The following CIART variants were observed in gnomAD, a reference collection of about 807,000 sequenced individuals.
The protein encoded by CIART is circadian associated repressor of transcription.
In CIART, 7 loss-of-function variants were observed where a neutral mutation model predicts 22.1. That is an observed-to-expected ratio of 0.32 (90% confidence interval 0.18 to 0.59). The LOEUF is 0.59. Among genes scored for constraint, CIART ranks in the 20% least tolerant of loss-of-function variants. CIART has a pLI of 0.86. For synonymous variants in CIART, 163 were observed against 174.6 expected, an observed-to-expected ratio of 0.93 and a Z score of 0.53; for missense variants, 440 against 478.0, an observed-to-expected ratio of 0.92 and a Z score of 0.74.
At position 150,284,039 on chromosome 1, in the gene CIART, C is replaced by T. The variant is rs910658333; in HGVS notation, c.442+159C>T. ...TATTATTATTATTATTATTTTGAGA[C>T]GGAGTTTTGCTCTTGTTGCCCAGGC... On this transcript the variant is annotated intron_variant, in intron 2 of 4. Transcript: ENST00000290363. Among the ~76,000 whole-genome samples the T allele has an allele frequency of 9.7e-4, 117 of 121,048 alleles. 1 individual carries two copies. Among genetic ancestry groups the T allele is most frequent in the Admixed American group, 1.7e-3 (23 of 13,174 alleles). 79.4% of individuals were successfully genotyped at this position (121,048 alleles called of 152,430 possible). A position where few individuals can be genotyped will look rare whatever the true frequency, so the allele number is the denominator to read the frequency against.
At chr1:150,284,338 C>T in intron 2 of CIART, 88 bp from the exon 3 acceptor site, 2 of 1,278,796 alleles carry the variant, frequency 1.6e-6, no homozygotes, top group Non-Finnish European at 2.3e-6. Flanking sequence ...TTTTTTAGAT[C>T]AATCAATTTT....
At position 150,283,594 on chromosome 1, in the gene CIART, A is replaced by G. The variant is rs2298164; in HGVS notation, c.327A>G (p.Gln109=). 4.3e-6 allele frequency: 7 copies of G among 1,613,962 alleles called. No individual in the cohort carries two copies. The East Asian group carries it at 8.9e-5, about 21-fold the overall frequency. ...DGELETSLNT[Q]GCTTEGDLLF... ...AACTGGAGACCAGTCTAAACACCCAAGGTTGTACCACAGAGGGAGACCTGC... is the reference window on the plus strand; with the variant it reads ...AACTGGAGACCAGTCTAAACACCCAGGGTTGTACCACAGAGGGAGACCTGC... The change falls in exon 1 of 5, where the codon CAA becomes CAG. Residue 109 remains glutamine (Q), a synonymous_variant. Coordinates refer to ENST00000290363, the MANE Select transcript of CIART (RefSeq NM_144697.4).
chr1:150,286,895 C>T lies in CIART; in HGVS notation c.1099C>T (p.Arg367Trp), dbSNP rs782106255. ...TLARKMTIGH[R>W]EQQRSHPPVA... ...GGCCAGAAAGATGACCATAGGACAC[C>T]GGGAGCAGCAGAGAAGCCATCCTCC... is the stretch of plus-strand genomic sequence containing the variant. Residue 367 changes from arginine (R) to tryptophan (W), a missense_variant, in exon 5 of 5, where the codon CGG becomes TGG. Physicochemically the swap from Arg to Trp is moderately radical, Grantham distance 101 (BLOSUM62 -3). Coordinates refer to ENST00000290363, the MANE Select transcript of CIART (RefSeq NM_144697.4). The T allele has an allele frequency of 6.8e-6, 11 of 1,607,142 alleles. No homozygotes were observed. The highest frequency in any genetic ancestry group is 1.7e-5 in the Admixed American group (1 of 59,384).
intron 1 of CIART, 80 bp from the exon 2 acceptor site, chr1:150,283,725 G>C: frequency 1.9e-6 from 3 of 1,560,282 alleles, no homozygotes; most frequent in Non-Finnish European, 2.7e-6. Context: ...TTGACTCCCA[G>C]ATTTGGAGGT....
chr1:150,286,072 T>C (rs1014532630), intron 4 of CIART, among the ~76,000 whole-genome samples: 3 of 149,758 alleles, frequency 2.0e-5, no homozygotes, highest in African/African-American at 7.5e-5. Context: ...AAATACAGAA[T>C]TTGGGAAATG....
chr1:150,285,135 A>G (rs1236566853), intron 4 of CIART: 1 of 195,004 alleles, frequency 5.1e-6, no homozygotes, highest in Non-Finnish European at 1.0e-5. Flanking sequence ...ACAGTTTTTG[A>G]GTCTACACTG....
At chr1:150,285,260 G>A (rs587629033) in intron 4 of CIART, 6 of 155,794 alleles carry the variant, frequency 3.9e-5, no homozygotes, top group African/African-American at 7.2e-5. Context: ...ATTTTCAGCC[G>A]GGAGCGGTGG....
At chr1:150,285,328 G>C (rs1205502699) in intron 4 of CIART, 3 of 153,130 alleles carry the variant, frequency 2.0e-5, no homozygotes, top group Non-Finnish European at 4.4e-5. Context: ...ATGAGGTCAG[G>C]AGTTCGAGAC....
Position 150,283,242 on chromosome 1 carries a change from G to A in CIART, c.-26G>A. On this transcript the variant is annotated 5_prime_UTR_variant, in exon 1 of 5. Coordinates refer to ENST00000290363, the MANE Select transcript of CIART (RefSeq NM_144697.4). ...CCGATCTTTGGGTACTCCAGGAGCT[G>A]TTCTATAGCCCCTGCTTCTGGACCT... is the stretch of plus-strand genomic sequence containing the variant. 6.6e-7 allele frequency: 1 copy of A among 1,507,906 alleles called. No individual in the cohort carries two copies. Among genetic ancestry groups the A allele is most frequent in the East Asian group, 2.3e-5 (1 of 43,760 alleles). 93.4% of individuals were successfully genotyped at this position (1,507,906 alleles called of 1,614,324 possible).
rs1392916062 is a variant in CIART, at chr1:150,286,693, A to C, written c.897A>C (p.Gly299=). The change falls in exon 5 of 5, where the codon GGA becomes GGC. Residue 299 remains glycine (G), a synonymous_variant. Transcript: ENST00000290363. Reference sequence around the variant, plus strand: ...GCGTCATTCTTTTCCTCCAGCATGGAGTGCAACCCTTCACCCACTCTGCCC... The same window carrying C: ...GCGTCATTCTTTTCCTCCAGCATGGCGTGCAACCCTTCACCCACTCTGCCC... ...GIGVILFLQH[G]VQPFTHSAPT... 1 of 1,613,960 alleles carries C rather than the reference A, an allele frequency of 6.2e-7. No individual in the cohort carries two copies. The highest frequency in any genetic ancestry group is 1.3e-5 in the African/African-American group (1 of 74,912).
At position 150,283,574 on chromosome 1, in the gene CIART, G is replaced by C. The variant is rs1560051507; in HGVS notation, c.307G>C (p.Glu103Gln). Residue 103 changes from glutamate (E) to glutamine (Q), a missense_variant, in exon 1 of 5, where the codon GAG becomes CAG. Glu to Gln is a conservative substitution (Grantham distance 29). Transcript: ENST00000290363. ...GAKRSRDGEL[E>Q]TSLNTQGCTT... The stretch of plus-strand genomic sequence containing the variant: ...GAAAAGATCAAGAGATGGTGAACTG[G>C]AGACCAGTCTAAACACCCAAGGTTG... 2 of 1,614,010 alleles carry C rather than the reference G, an allele frequency of 1.2e-6. No homozygotes were observed. The highest frequency in any genetic ancestry group is 1.1e-5 in the South Asian group (1 of 91,086).
In CIART at chr1:150,284,003, T is replaced by TTTATTATTATTATTATTA. The variant is rs57585190; in HGVS notation, c.442+135_442+152dup. The TTTATTATTATTATTATTA allele has an allele frequency of 2.3e-3, 1,104 of 489,940 alleles. 8 individuals carry two copies. The highest frequency in any genetic ancestry group is 4.6e-3 in the African/African-American group (177 of 38,242). 30.3% of individuals were successfully genotyped at this position (489,940 alleles called of 1,614,324 possible). The stretch of plus-strand genomic sequence containing the variant: ...ATTACTCCTTTTTTGCTACTATGAC[T>TTTATTATTATTATTATTA]TTATTATTATTATTATTATTATTAT... On this transcript the variant is annotated intron_variant, in intron 2 of 4. Coordinates refer to ENST00000290363, the MANE Select transcript of CIART (RefSeq NM_144697.4).
At position 150,283,870 on chromosome 1, in the gene CIART, T is replaced by C; in HGVS notation, c.432T>C (p.Arg144=). Residue 144 remains arginine, a synonymous_variant, in exon 2 of 5, where the codon CGT becomes CGC. Coordinates refer to ENST00000290363, the MANE Select transcript of CIART (RefSeq NM_144697.4). ...TDLLNGLKMG[R]FERGLSSFQQ... ...TACTCAATGGGCTGAAGATGGGTCG[T>C]TTTGAGAGAGGTAATCTTATTGTTG... 6.3e-7 allele frequency: 1 copy of C among 1,578,964 alleles called. No individual in the cohort carries two copies. The highest frequency in any genetic ancestry group is 8.7e-7 in the Non-Finnish European group (1 of 1,148,812).
intron 4 of CIART, 49 bp from the exon 5 acceptor site, chr1:150,286,381 C>A: frequency 1.4e-6 from 2 of 1,475,934 alleles, no homozygotes; most frequent in Non-Finnish European, 1.9e-6. Context: ...TGGAGCTCAT[C>A]TGAATGCTTT....
At position 150,283,127 on chromosome 1, in the gene CIART, C is replaced by A; in HGVS notation, c.-141C>A. ...TGGGGAGGGGGAGAACAAGTATTATCCCACGCAGTACACCCCAATCTCCCA... is the reference window on the plus strand; with the variant it reads ...TGGGGAGGGGGAGAACAAGTATTATACCACGCAGTACACCCCAATCTCCCA... On this transcript the variant is annotated 5_prime_UTR_variant, in exon 1 of 5. Transcript: ENST00000290363. 2 of 825,482 alleles carry A rather than the reference C, an allele frequency of 2.4e-6. No individual in the cohort carries two copies. The highest frequency in any genetic ancestry group is 3.6e-6 in the Non-Finnish European group (2 of 558,758). 51.1% of individuals were successfully genotyped at this position (825,482 alleles called of 1,614,324 possible).
At chr1:150,284,852 A>G (rs942453) in intron 4 of CIART, 144 bp downstream of exon 4, 77,323 of 628,818 alleles carry the variant, frequency 0.12, 6,093 homozygotes, top group African/African-American at 0.29. Context: ...AACTTTCTGC[A>G]TTGTCTTGAT....
intron 1 of CIART, 50 bp from the exon 2 acceptor site, chr1:150,283,755 G>A (rs1286120243): frequency 6.5e-7 from 1 of 1,546,642 alleles, no homozygotes; most frequent in African/African-American, 1.4e-5. Flanking sequence ...GCCACTGCTG[G>A]TGTGGGCAGT....
intron 4 of CIART, 182 bp downstream of exon 4, chr1:150,284,890 TG>T (rs1653398594): frequency 3.3e-6 from 2 of 607,286 alleles, no homozygotes; most frequent in Non-Finnish European, 5.8e-6. Flanking sequence ...TTGTTGTTGT[TG>T]TTGTTGTTTT....
intron 2 of CIART, 74 bp from the exon 3 acceptor site, chr1:150,284,352 C>G: frequency 7.4e-7 from 1 of 1,359,084 alleles, no homozygotes; most frequent in East Asian, 2.3e-5. Context: ...CAATTTTAAC[C>G]CCCTTCTGTT....
Sources: gnomAD v4.1 joint callset for allele counts (sites outside exome capture counted in the v4.1 genomes callset) on GRCh38, gnomAD v4.1.1 for gene constraint, MANE v1.5 for transcripts, NCBI Gene and HGNC (gene_info 2026-07-23, HGNC 2026-07-21) for gene names.